The following SLC27A5 variants were observed in gnomAD, a reference collection of about 807,000 sequenced individuals.
SLC27A5 encodes the protein long-chain fatty acid transport protein 5.
A neutral mutation model predicts 63.1 loss-of-function variants in SLC27A5; 47 were observed. That is an observed-to-expected ratio of 0.74 (90% confidence interval 0.59 to 0.95). SLC27A5 has a LOEUF of 0.95. Ranked by LOEUF, SLC27A5 falls within the 40% of genes least tolerant of loss-of-function variation. The pLI is 0.00. For synonymous variants in SLC27A5, 391 were observed against 403.8 expected (o/e 0.97, Z 0.38); for missense variants, 940 against 921.0 (o/e 1.02, Z -0.27).
chr19:58,510,466 C>G, intron 2 of SLC27A5: 1 of 436,850 alleles, frequency 2.3e-6, no homozygotes, highest in South Asian at 3.8e-5. Flanking sequence ...CCCAGCTACT[C>G]AGGAGGCTGA....
chr19:58,502,458 G>T (rs1218077278), intron 3 of SLC27A5, among the ~76,000 whole-genome samples: 1 of 142,158 alleles, frequency 7.0e-6, no homozygotes, highest in Admixed American at 7.1e-5. Context: ...AAGATGGATG[G>T]GTGAACAGAG....
At chr19:58,511,004 C>T in intron 1 of SLC27A5, 74 bp from the exon 2 acceptor site, 1 of 1,215,796 alleles carries the variant, frequency 8.2e-7, no homozygotes, top group Non-Finnish European at 1.1e-6. Context: ...CTGAGACCCA[C>T]AGATGCAGGC....
At chr19:58,500,289 C>G (rs746002764) in intron 6 of SLC27A5, 50 bp downstream of exon 6, 1 of 1,485,272 alleles carries the variant, frequency 6.7e-7, no homozygotes. Flanking sequence ...AAGCAGAAGA[C>G]TGAGGGTCGC....
At chr19:58,509,569 C>A in intron 3 of SLC27A5, 2 of 323,596 alleles carry the variant, frequency 6.2e-6, no homozygotes, top group African/African-American at 2.1e-5. Context: ...GGGCCAGCAT[C>A]CCCATCATCT....
intron 3 of SLC27A5, among the ~76,000 whole-genome samples, chr19:58,506,094 C>CTT (rs879519627): frequency 3.6e-5 from 5 of 140,064 alleles, no homozygotes; most frequent in African/African-American, 1.0e-4. Context: ...CCATGCCTGG[C>CTT]TTTTTTTTTT....
rs760686310 is a variant in SLC27A5 at position 58,511,911 on chromosome 19, GAGCAGC to G, written c.39_44del (p.Leu16_Leu17del). 1.9e-5 allele frequency: 30 copies of G among 1,546,792 alleles called. No homozygotes were observed. Among genetic ancestry groups the G allele is most frequent in the Non-Finnish European group, 2.4e-5 (27 of 1,146,154 alleles). ...CTGGCTGCCCCAGGCCCCAGAGCAG[GAGCAGC>G]AGCAGCAGCAGCAAGGCCAACTGTT... On this transcript the variant is annotated inframe_deletion, in exon 1 of 10. Transcript: ENST00000263093.
chr19:58,510,594 A>C, intron 2 of SLC27A5, 127 bp downstream of exon 2: 2 of 903,380 alleles, frequency 2.2e-6, no homozygotes, highest in South Asian at 4.1e-5. Context: ...ACAGCCAAAC[A>C]AAAAACAAAT....
In SLC27A5 at chr19:58,498,347, C is replaced by T. The variant is rs1490094775; in HGVS notation, c.*168G>A. 2 of 667,520 alleles carry T rather than the reference C, an allele frequency of 3.0e-6. No homozygotes were observed. Among genetic ancestry groups the T allele is most frequent in the African/African-American group, 3.6e-5 (2 of 55,128 alleles). 41.3% of individuals were successfully genotyped at this position (667,520 alleles called of 1,614,324 possible). A position where few individuals can be genotyped will look rare whatever the true frequency, so the allele number is the denominator to read the frequency against. On this transcript the variant is annotated 3_prime_UTR_variant, in exon 10 of 10. Transcript: ENST00000263093. ...GACATACAGACTTCTGTGAACACAT[C>T]TGAGTTTATTCTGCCACTGCTACAG...
At chr19:58,504,604 C>G (rs2053322866) in intron 3 of SLC27A5, among the ~76,000 whole-genome samples, 6 of 129,648 alleles carry the variant, frequency 4.6e-5, no homozygotes, top group Admixed American at 8.6e-5. Flanking sequence ...CGGGGCGGAG[C>G]TTGCGGTGAC....
intron 1 of SLC27A5, 112 bp from the exon 2 acceptor site, chr19:58,511,042 C>A (rs2053405072): frequency 2.0e-6 from 2 of 1,008,842 alleles, no homozygotes; most frequent in Admixed American, 3.0e-5. Context: ...AGAAAAGCAT[C>A]CATGTTGTTT....
At position 58,511,476 on chromosome 19, in the gene SLC27A5, C is replaced by A; in HGVS notation, c.480G>T (p.Lys160Asn). The change falls in exon 1 of 10, where the codon AAG (lysine) becomes AAT (asparagine). Residue 160 changes from lysine to asparagine, a missense_variant. Lys to Asn is a moderately conservative substitution (Grantham distance 94). Coordinates refer to ENST00000263093, the MANE Select transcript of SLC27A5 (RefSeq NM_012254.3). Reference protein sequence around the residue: ...ARACQAAWALKAELGDPASLC... With the variant: ...ARACQAAWALNAELGDPASLC... ...GGCTCGCAGGGTCACCCAGCTCAGC[C>A]TTCAGGGCCCATGCCGCCTGGCAGG... The A allele has an allele frequency of 6.3e-7, 1 of 1,583,580 alleles. No homozygotes were observed. Among genetic ancestry groups the A allele is most frequent in the East Asian group, 2.3e-5 (1 of 43,390 alleles).
At position 58,511,897 on chromosome 19, in the gene SLC27A5, A is replaced by G. The variant is rs1404754916; in HGVS notation, c.59T>C (p.Leu20Pro). Residue 20 changes from leucine to proline, a missense_variant, in exon 1 of 10, where the codon CTG becomes CCG. Coordinates refer to ENST00000263093, the MANE Select transcript of SLC27A5 (RefSeq NM_012254.3). ...LLLLLLLLWG[L>P]GQPVWPVAVA... ...AGCGACTGGCCACACTGGCTGCCCCAGGCCCCAGAGCAGGAGCAGCAGCAG... is the reference window on the plus strand; with the variant it reads ...AGCGACTGGCCACACTGGCTGCCCCGGGCCCCAGAGCAGGAGCAGCAGCAG... The G allele has an allele frequency of 1.3e-5, 20 of 1,549,136 alleles. No homozygotes were observed. Among genetic ancestry groups the G allele is most frequent in the Non-Finnish European group, 1.6e-5 (18 of 1,146,952 alleles).
chr19:58,510,558 A>G, intron 2 of SLC27A5, 163 bp downstream of exon 2: 2 of 646,392 alleles, frequency 3.1e-6, no homozygotes, highest in South Asian at 4.3e-5. Context: ...TAGGCGACAG[A>G]GCGAGACTCT....
In SLC27A5 at chr19:58,500,671, T is replaced by A. The variant is rs375186040; in HGVS notation, c.1218A>T (p.Ala406=). 1 of 1,613,994 alleles carries A rather than the reference T, an allele frequency of 6.2e-7. No homozygotes were observed. The highest frequency in any genetic ancestry group is 1.3e-5 in the African/African-American group (1 of 74,908). ...CATCAGCCCGTAGTCCATTGCCCAT[T>A]GCCAGGCGGACTGTATGTGTCCGGT... The part of the protein sequence containing the change: ...PEDRTHTVRL[A]MGNGLRADVW... The change falls in exon 5 of 10, where the codon GCA becomes GCT. Residue 406 remains alanine, a synonymous_variant. Transcript: ENST00000263093.
At position 58,501,343 on chromosome 19, in the gene SLC27A5, G is replaced by C; in HGVS notation, c.1125C>G (p.Gly375=). The C allele has an allele frequency of 6.2e-7, 1 of 1,613,744 alleles. No individual in the cohort carries two copies. Among genetic ancestry groups the C allele is most frequent in the Non-Finnish European group, 8.5e-7 (1 of 1,179,774 alleles). The change falls in exon 4 of 10, where the codon GGC becomes GGG. Residue 375 remains glycine, a synonymous_variant. Coordinates refer to ENST00000263093, the MANE Select transcript of SLC27A5 (RefSeq NM_012254.3). ...SCFWDDCRQH[G]VTVILYVGEL... The stretch of plus-strand genomic sequence containing the variant: ...CGCCCACATACAGGATCACTGTCAC[G>C]CCATGCTGCCGACAGTCATCCCAGA...
At chr19:58,500,455 A>G (rs780159434) in intron 5 of SLC27A5, 26 bp from the exon 6 acceptor site, 2 of 1,613,630 alleles carry the variant, frequency 1.2e-6, no homozygotes, top group African/African-American at 1.3e-5. Context: ...GAGTGTTGAC[A>G]TAGGTCCTGT....
Position 58,499,153 on chromosome 19 carries a change from G to A in SLC27A5, c.1735C>T (p.Gln579Ter). 1.9e-6 allele frequency: 3 copies of A among 1,614,090 alleles called. No homozygotes were observed. The highest frequency in any genetic ancestry group is 1.7e-6 in the Non-Finnish European group (2 of 1,180,050). The change falls in exon 8 of 10, where the codon CAG becomes TAG. Residue 579 changes from glutamine (Q) to a stop codon, truncating the protein, a stop_gained. Coordinates refer to ENST00000263093, the MANE Select transcript of SLC27A5 (RefSeq NM_012254.3). LOFTEE classifies it high-confidence loss of function. ...GVLSQVDFLQ[Q>*]VNVYGVCVPG... is the part of the protein sequence containing the mutation. ...ACGCACACGCCATACACGTTAACCT[G>A]TTGCAAGAAGTCCACCTGCGACAAC...
intron 3 of SLC27A5, chr19:58,507,394 T>C (rs992679609): frequency 1.3e-5 from 2 of 152,164 alleles, no homozygotes; most frequent in African/African-American, 4.8e-5. Flanking sequence ...TCCCAAATAA[T>C]ACTCTTATAA....
At chr19:58,507,618 T>C (rs2053361881) in intron 3 of SLC27A5, 1 of 152,184 alleles carries the variant, frequency 6.6e-6, no homozygotes, top group South Asian at 2.1e-4. Context: ...TCTGACTGCC[T>C]GCGGGGCTGG....
Sources: gnomAD v4.1 joint callset for allele counts (sites outside exome capture counted in the v4.1 genomes callset) on GRCh38, gnomAD v4.1.1 for gene constraint, MANE v1.5 for transcripts, NCBI Gene and HGNC (gene_info 2026-07-23, HGNC 2026-07-21) for gene names.